Variants in MRPS35 observed in about 807,000 individuals in gnomAD.
MRPS35 encodes the protein small ribosomal subunit protein mS35.
A neutral mutation model predicts 32.7 loss-of-function variants in MRPS35; 29 were observed. That is an observed-to-expected ratio of 0.89 (90% CI 0.66 to 1.21). MRPS35 has a LOEUF of 1.21. Among genes scored for constraint, MRPS35 ranks in the 50% most tolerant of loss-of-function variants. The pLI is 0.00. For missense variants in MRPS35, 373 were observed against 383.8 expected, an observed-to-expected ratio of 0.97 and a Z score of 0.23; for synonymous variants, 148 against 139.3, an observed-to-expected ratio of 1.06 and a Z score of -0.44.
chr12:27,728,705 A>ACCTC (rs1365926711), intron 5 of MRPS35, among the ~76,000 whole-genome samples: 2 of 151,736 alleles, frequency 1.3e-5, no homozygotes, highest in Non-Finnish European at 2.9e-5. Flanking sequence ...AAACAACCCC[A>ACCTC]CCTCCCTCCC....
intron 6 of MRPS35, among the ~76,000 whole-genome samples, chr12:27,737,144 G>C (rs1370642633): frequency 1.3e-5 from 2 of 152,200 alleles, no homozygotes; most frequent in African/African-American, 4.8e-5. Flanking sequence ...CGGGATTACA[G>C]GCATGAGGTA....
chr12:27,755,608 A>G lies in MRPS35; in HGVS notation c.*158A>G, dbSNP rs1463580059. 1.7e-6 allele frequency: 1 copy of G among 602,370 alleles called. No homozygotes were observed. Among genetic ancestry groups the G allele is most frequent in the Non-Finnish European group, 2.6e-6 (1 of 391,126 alleles). 37.3% of individuals were successfully genotyped at this position (602,370 alleles called of 1,614,324 possible). A position where few individuals can be genotyped will look rare whatever the true frequency, so the allele number is the denominator to read the frequency against. On this transcript the variant is annotated 3_prime_UTR_variant, in exon 8 of 8. Transcript: ENST00000081029. ...AATGCTTAATGGCAATGATTACTCC[A>G]GAGTTTTTTAATTTTTACACTGGGG...
At chr12:27,719,940 T>G in intron 4 of MRPS35, 72 bp downstream of exon 4, 2 of 1,110,816 alleles carry the variant, frequency 1.8e-6, no homozygotes, top group Non-Finnish European at 2.7e-6. Context: ...TGTTCTGATA[T>G]ACTGTATAGC....
chr12:27,732,520 C>T (rs573380164), intron 5 of MRPS35, among the ~76,000 whole-genome samples: 1 of 152,206 alleles, frequency 6.6e-6, no homozygotes, highest in South Asian at 2.1e-4. Context: ...CTGGATGTGC[C>T]ATGTAGTTCA....
In MRPS35 at chr12:27,752,699, T is replaced by C. The variant is rs1405318190; in HGVS notation, c.703-2482T>C. 2.6e-5 allele frequency among the ~76,000 whole-genome samples: 4 copies of C among 152,250 alleles called. No homozygotes were observed. In the East Asian group the frequency reaches 7.7e-4, roughly 29 times the overall value. On this transcript the variant is annotated intron_variant, in intron 7 of 7. Coordinates refer to ENST00000081029, the MANE Select transcript of MRPS35 (RefSeq NM_021821.4). ...AGAGTAGATAGAACCAATAATGTAA[T>C]TAATTTAGGACATTTATTTTTTAAG...
chr12:27,716,465 C>T lies in MRPS35; in HGVS notation c.321+7C>T. 1.9e-6 allele frequency: 3 copies of T among 1,613,854 alleles called. No homozygotes were observed. The highest frequency in any genetic ancestry group is 1.7e-6 in the Non-Finnish European group (2 of 1,179,894). On this transcript the variant is annotated splice_region_variant and intron_variant, in intron 3 of 7. Transcript: ENST00000081029. ...AAATCTAGAACTTTTAAAGGTAAGA[C>T]AAATTGCTGATTCATTGGCTCAGAC...
At chr12:27,752,548 G>A (rs535609196) in intron 7 of MRPS35, among the ~76,000 whole-genome samples, 18 of 152,158 alleles carry the variant, frequency 1.2e-4, no homozygotes, top group Non-Finnish European at 2.2e-4. Context: ...ATGAGATGGA[G>A]TGACCGTTTT....
At chr12:27,723,950 G>T in intron 4 of MRPS35, 97 bp from the exon 5 acceptor site, 4 of 1,161,516 alleles carry the variant, frequency 3.4e-6, no homozygotes, top group Non-Finnish European at 4.8e-6. Context: ...CATGTAACTT[G>T]GTGATGCTCT....
In MRPS35 at chr12:27,755,372, T is replaced by C; in HGVS notation, c.894T>C (p.Ser298=). 1 of 1,603,440 alleles carries C rather than the reference T, an allele frequency of 6.2e-7. No homozygotes were observed. Among genetic ancestry groups the C allele is most frequent in the Non-Finnish European group, 8.5e-7 (1 of 1,177,770 alleles). The part of the protein sequence containing the change: ...EIEEYKKSVV[S]LKNEEENENS... Reference sequence around the variant, plus strand: ...AAGAGTACAAAAAGTCTGTTGTTAGTCTTAAAAATGAGGAGGAAAATGAAA... The same window carrying C: ...AAGAGTACAAAAAGTCTGTTGTTAGCCTTAAAAATGAGGAGGAAAATGAAA... Residue 298 remains serine, a synonymous_variant, in exon 8 of 8, where the codon AGT becomes AGC. Transcript: ENST00000081029.
chr12:27,711,957 C>A (rs2061827395), intron 1 of MRPS35, among the ~76,000 whole-genome samples: 1 of 150,776 alleles, frequency 6.6e-6, no homozygotes, highest in African/African-American at 2.4e-5. Context: ...ACCGGAGATA[C>A]GGCAAGGTGG....
rs547725832 is a variant in MRPS35, at chr12:27,752,035, T to A, written c.703-3146T>A. 1.7e-3 allele frequency among the ~76,000 whole-genome samples: 259 copies of A among 151,108 alleles called. 1 individual carries two copies. The highest frequency in any genetic ancestry group is 3.8e-3 in the South Asian group (18 of 4,768). On this transcript the variant is annotated intron_variant, in intron 7 of 7. Coordinates refer to ENST00000081029, the MANE Select transcript of MRPS35 (RefSeq NM_021821.4). ...CAGGAGGATTGCTCTAGGCCAGGAG[T>A]TTAAGACCAGCCTTAGGCAACATAG...
chr12:27,730,857 C>T (rs1279476375), intron 5 of MRPS35, among the ~76,000 whole-genome samples: 1 of 152,076 alleles, frequency 6.6e-6, no homozygotes, highest in Non-Finnish European at 1.5e-5. Flanking sequence ...ATACTTCCTC[C>T]CCTCTTACCC....
At chr12:27,724,744 G>GA (rs534721320) in intron 5 of MRPS35, among the ~76,000 whole-genome samples, 113 of 143,996 alleles carry the variant, frequency 7.8e-4, no homozygotes, top group Admixed American at 2.2e-3. Flanking sequence ...TTCCATCTCG[G>GA]AAAAAAAAAA....
intron 1 of MRPS35, among the ~76,000 whole-genome samples, chr12:27,713,051 G>C (rs955403696): frequency 6.6e-6 from 1 of 152,194 alleles, no homozygotes; most frequent in Admixed American, 6.5e-5. Context: ...ATGCATTATA[G>C]TTAAGACGCC....
At chr12:27,722,234 A>G (rs2061879474) in intron 4 of MRPS35, among the ~76,000 whole-genome samples, 1 of 152,158 alleles carries the variant, frequency 6.6e-6, no homozygotes, top group Admixed American at 6.5e-5. Flanking sequence ...TTTTCTTTCA[A>G]AGTAGGTCAG....
At chr12:27,737,044 T>G (rs968844464) in intron 6 of MRPS35, among the ~76,000 whole-genome samples, 1 of 152,188 alleles carries the variant, frequency 6.6e-6, no homozygotes, top group Admixed American at 6.5e-5. Flanking sequence ...CCTGGCTAAT[T>G]TTTTAATTTT....
intron 7 of MRPS35, among the ~76,000 whole-genome samples, chr12:27,738,059 T>C (rs2061949267): frequency 6.6e-6 from 1 of 152,218 alleles, no homozygotes; most frequent in South Asian, 2.1e-4. Context: ...CTGTTATGCA[T>C]TAGGTAGAAC....
At chr12:27,750,831 A>G (rs1005951468) in intron 7 of MRPS35, among the ~76,000 whole-genome samples, 4 of 152,102 alleles carry the variant, frequency 2.6e-5, no homozygotes, top group African/African-American at 9.7e-5. Flanking sequence ...GGCCAGGTGC[A>G]GTGGCTCATG....
chr12:27,730,395 A>G lies in MRPS35; in HGVS notation c.523-5052A>G, dbSNP rs530588308. Among the ~76,000 whole-genome samples, 9 of 152,308 alleles carry G rather than the reference A, an allele frequency of 5.9e-5. No individual in the cohort carries two copies. In the South Asian group the frequency reaches 1.0e-3, roughly 18 times the overall value. Reference sequence around the variant, plus strand: ...GTGTTTGGGGAGAAAAACCCCAGAAATAAAGTGCCATTCTCATCACATCAT... The same window carrying G: ...GTGTTTGGGGAGAAAAACCCCAGAAGTAAAGTGCCATTCTCATCACATCAT... On this transcript the variant is annotated intron_variant, in intron 5 of 7. Coordinates refer to ENST00000081029, the MANE Select transcript of MRPS35 (RefSeq NM_021821.4).
Sources: gnomAD v4.1 joint callset for allele counts (sites outside exome capture counted in the v4.1 genomes callset) on GRCh38, gnomAD v4.1.1 for gene constraint, MANE v1.5 for transcripts, NCBI Gene and HGNC (gene_info 2026-07-23, HGNC 2026-07-21) for gene names.